NFATC1: variants seen among roughly 807,000 people sequenced by gnomAD.
NFATC1 encodes nuclear factor of activated T cells 1, also known as nuclear factor of activated T-cells, cytoplasmic 1.
In NFATC1, 22 loss-of-function variants were observed where a neutral mutation model predicts 76.0. The observed-to-expected ratio is 0.29, with a 90% CI of 0.21 to 0.41. The LOEUF is 0.41. NFATC1 is among the 10% of genes least tolerant of loss of function. NFATC1 has a pLI of 1.00. For missense variants in NFATC1, 1,357 were observed against 1,337.7 expected, an observed-to-expected ratio of 1.01 and a Z score of -0.23; for synonymous variants, 704 against 613.1, an observed-to-expected ratio of 1.15 and a Z score of -2.19.
chr18:79,483,947 GGGTGTCACTCCAGGGTGACCTGGTCCTGA>G (rs2089418330), intron 8 of NFATC1, among the ~76,000 whole-genome samples: 1 of 147,012 alleles, frequency 6.8e-6, no homozygotes, highest in Non-Finnish European at 1.5e-5. Flanking sequence ...CTGGTTCCTG[GGGTGTCACTCCAGGGTGACCTGGTCCTGA>G]GGTGTCACTC....
chr18:79,528,536 AT>A lies in NFATC1; in HGVS notation c.*963del, dbSNP rs1159565524. On this transcript the variant is annotated 3_prime_UTR_variant, in exon 10 of 10. Transcript: ENST00000427363. ...CCATCGCCGCCTCGGACGGCCGTGC[AT>A]TTTCTCGTCTCACGCAGTTCGAGGA... is the stretch of plus-strand genomic sequence containing the variant. 6.6e-6 allele frequency: 1 copy of A among 152,186 alleles called. No individual in the cohort carries two copies. Among genetic ancestry groups the A allele is most frequent in the African/African-American group, 2.4e-5 (1 of 41,438 alleles). The allele number at this position is 152,186 out of a possible 1,614,324, so 9.4% of individuals were successfully genotyped here. A position where few individuals can be genotyped will look rare whatever the true frequency, so the allele number is the denominator to read the frequency against.
chr18:79,484,864 G>A (rs566944460), intron 8 of NFATC1, among the ~76,000 whole-genome samples: 3 of 152,322 alleles, frequency 2.0e-5, no homozygotes, highest in South Asian at 2.1e-4. Flanking sequence ...GGAAGAGGGC[G>A]GCTGCAGGGG....
In NFATC1 at chr18:79,410,453, A is replaced by C; in HGVS notation, c.178A>C (p.Thr60Pro). 6.2e-7 allele frequency: 1 copy of C among 1,611,942 alleles called. No homozygotes were observed. The highest frequency in any genetic ancestry group is 8.5e-7 in the Non-Finnish European group (1 of 1,179,752). ...SNVSPALPLP[T>P]AHSTLPAPCH... is the part of the protein sequence containing the mutation. ...CGTCAGCCCCGCCCTGCCGCTCCCC[A>C]CGGCGCACTCCACCCTGCCGGCCCC... Residue 60 changes from threonine to proline, a missense_variant, in exon 2 of 10, where the codon ACG becomes CCG. Transcript: ENST00000427363. The surrounding 1 kb of genome is among the most constrained non-coding windows in gnomAD (Gnocchi z 6.7).
intron 3 of NFATC1, among the ~76,000 whole-genome samples, chr18:79,441,930 C>T (rs1375727878): frequency 6.6e-6 from 1 of 152,126 alleles, no homozygotes; most frequent in East Asian, 1.9e-4. Flanking sequence ...CTTCTTCAGC[C>T]AAAGTGAGCG....
At chr18:79,488,389 C>T (rs534475516) in intron 9 of NFATC1, among the ~76,000 whole-genome samples, 61 of 151,784 alleles carry the variant, frequency 4.0e-4, no homozygotes, top group African/African-American at 1.4e-3. Flanking sequence ...TCTGTTTTTG[C>T]AGGAGTGTGT....
intron 2 of NFATC1, among the ~76,000 whole-genome samples, chr18:79,427,459 C>T (rs897680450): frequency 1.4e-4 from 2 of 14,280 alleles, no homozygotes; most frequent in Non-Finnish European, 2.5e-4. Flanking sequence ...GGCCTCTGTG[C>T]GGTGGGTGGG....
chr18:79,490,522 C>T (rs2145084562), intron 9 of NFATC1, among the ~76,000 whole-genome samples: 1 of 152,248 alleles, frequency 6.6e-6, no homozygotes, highest in East Asian at 1.9e-4. Context: ...GAGACAGGCA[C>T]CAGGCCATGG....
At chr18:79,480,258 G>A (rs954314624) in intron 8 of NFATC1, among the ~76,000 whole-genome samples, 1 of 152,216 alleles carries the variant, frequency 6.6e-6, no homozygotes, top group South Asian at 2.1e-4. Context: ...ATTCCTGAGA[G>A]GAGCGTGTTG....
intron 6 of NFATC1, among the ~76,000 whole-genome samples, chr18:79,456,099 G>A (rs2087711505): frequency 6.6e-6 from 1 of 152,218 alleles, no homozygotes; most frequent in African/African-American, 2.4e-5. Context: ...CCTGGCCGTT[G>A]TTTTGGGAGG....
rs201418973 is a variant in NFATC1 at position 79,411,039 on chromosome 18, G to A, written c.764G>A (p.Arg255His). 9 of 1,611,666 alleles carry A rather than the reference G, an allele frequency of 5.6e-6. No homozygotes were observed. Among genetic ancestry groups the A allele is most frequent in the South Asian group, 1.1e-5 (1 of 90,994 alleles). The change falls in exon 2 of 10, where the codon CGC becomes CAC. Residue 255 changes from arginine to histidine, a missense_variant. By Grantham distance (29) the Arg-to-His change is conservative. Coordinates refer to ENST00000427363, the MANE Select transcript of NFATC1 (RefSeq NM_001278669.2). ...ACTGAGGAGAGCTGGCTGGGTGCCCGCTCCTCCAGACCCGCGTCCCCTTGC... is the reference window on the plus strand; with the variant it reads ...ACTGAGGAGAGCTGGCTGGGTGCCCACTCCTCCAGACCCGCGTCCCCTTGC... ...SVTEESWLGA[R>H]SSRPASPCNK...
intron 2 of NFATC1, among the ~76,000 whole-genome samples, chr18:79,415,387 A>G (rs1055173387): frequency 5.3e-5 from 8 of 152,192 alleles, no homozygotes; most frequent in South Asian, 2.1e-4. Context: ...GGTTCACGCC[A>G]TTCTCCTGAC....
intron 4 of NFATC1, among the ~76,000 whole-genome samples, chr18:79,450,060 C>T (rs150288503): frequency 6.6e-5 from 10 of 152,304 alleles, no homozygotes; most frequent in South Asian, 2.1e-4. Context: ...CCGTAGTAAA[C>T]GTCCTGGCTT....
chr18:79,432,508 G>A (rs1010956015), intron 2 of NFATC1, among the ~76,000 whole-genome samples: 4 of 152,242 alleles, frequency 2.6e-5, no homozygotes, highest in Admixed American at 6.5e-5. Flanking sequence ...GGGTCCCACC[G>A]CATCCTCCGC....
rs1267923916 is a variant in NFATC1, at chr18:79,527,865, C to T, written c.*288C>T. 3.2e-5 allele frequency: 16 copies of T among 493,392 alleles called. No individual in the cohort carries two copies. The highest frequency in any genetic ancestry group is 3.9e-5 in the Non-Finnish European group (11 of 278,900). 30.6% of individuals were successfully genotyped at this position (493,392 alleles called of 1,614,324 possible). ...ACCGTGCAGGGGCCTTTCATGGGAA[C>T]GGCCCACACGCAGTTTGACCCCACG... On this transcript the variant is annotated 3_prime_UTR_variant, in exon 10 of 10. Transcript: ENST00000427363.
rs769152909 is a variant in NFATC1 at position 79,486,849 on chromosome 18, G to A, written c.2694G>A (p.Val898=). 9.3e-6 allele frequency: 15 copies of A among 1,611,862 alleles called. No individual in the cohort carries two copies. The highest frequency in any genetic ancestry group is 1.3e-5 in the Non-Finnish European group (15 of 1,179,588). Reference sequence around the variant, plus strand: ...CCGGGCCACGGCTGCTGCCAGAGGTGCATGAGGACGGTAGTCCTAATTTGG... The same window carrying A: ...CCGGGCCACGGCTGCTGCCAGAGGTACATGAGGACGGTAGTCCTAATTTGG... ...PTAGPRLLPE[V]HEDGSPNLAP... Residue 898 remains valine, a synonymous_variant, in exon 9 of 10, where the codon GTG becomes GTA. Coordinates refer to ENST00000427363, the MANE Select transcript of NFATC1 (RefSeq NM_001278669.2).
chr18:79,425,561 C>G (rs1313127849), intron 2 of NFATC1, among the ~76,000 whole-genome samples: 1 of 152,250 alleles, frequency 6.6e-6, no homozygotes, highest in Non-Finnish European at 1.5e-5. Context: ...CTCGGAAAAT[C>G]AGAATTAAAG....
chr18:79,490,152 G>A (rs368089408), intron 9 of NFATC1, among the ~76,000 whole-genome samples: 20 of 152,304 alleles, frequency 1.3e-4, no homozygotes, highest in African/African-American at 3.4e-4. Context: ...GCAGGCAGGC[G>A]GGGCGCATGG....
intron 1 of NFATC1, among the ~76,000 whole-genome samples, chr18:79,397,492 A>AG (rs758415689): frequency 3.9e-5 from 6 of 152,118 alleles, no homozygotes; most frequent in African/African-American, 4.8e-5. Flanking sequence ...AGCTCCACGG[A>AG]GGGGGGTCCG....
intron 9 of NFATC1, among the ~76,000 whole-genome samples, chr18:79,522,541 TG>T (rs1252707414): frequency 9.3e-6 from 1 of 107,486 alleles, no homozygotes; most frequent in East Asian, 3.3e-4. Flanking sequence ...TGTGTGTCTG[TG>T]GGGGGTGTCT....
Sources: gnomAD v4.1 joint callset for allele counts (sites outside exome capture counted in the v4.1 genomes callset) on GRCh38, gnomAD v4.1.1 for gene constraint, Gnocchi (gnomAD v3.1) non-coding constraint, MANE v1.5 for transcripts, NCBI Gene and HGNC (gene_info 2026-07-23, HGNC 2026-07-21) for gene names.